ACSL3: variants seen among roughly 807,000 people sequenced by gnomAD.
ACSL3 encodes fatty acid CoA ligase Acsl3.
In ACSL3, 34 loss-of-function variants were observed where a neutral mutation model predicts 84.7. The observed-to-expected ratio is 0.40, with a 90% CI of 0.31 to 0.53. ACSL3 has a LOEUF of 0.53. Among genes scored for constraint, ACSL3 ranks in the 20% least tolerant of loss-of-function variants. The pLI, the probability that ACSL3 is intolerant of heterozygous loss-of-function variation, is 0.48. For synonymous variants in ACSL3, 315 were observed against 299.4 expected (o/e 1.05, Z -0.54); for missense variants, 680 against 873.1 (o/e 0.78, Z 2.79).
intron 1 of ACSL3, among the ~76,000 whole-genome samples, chr2:222,878,074 G>A (rs924891861): frequency 6.6e-6 from 1 of 152,164 alleles, no homozygotes; most frequent in Non-Finnish European, 1.5e-5. Context: ...AGTGCCCAGC[G>A]TATAGGAGAC....
chr2:222,936,608 T>TTCCCCCCCCCCCCCCCCCCCCCCCCTC (rs1697175677), intron 16 of ACSL3, among the ~76,000 whole-genome samples: 1 of 131,188 alleles, frequency 7.6e-6, no homozygotes, highest in African/African-American at 2.9e-5. Flanking sequence ...TTCTGCACCC[T>TTCCCCCCCCCCCCCCCCCCCCCCCCTC]CCCCCCCCAC....
chr2:222,908,881 A>G lies in ACSL3; in HGVS notation c.109A>G (p.Thr37Ala), dbSNP rs779308602. The G allele has an allele frequency of 2.5e-6, 4 of 1,610,518 alleles. No homozygotes were observed. In the South Asian group the frequency reaches 4.4e-5, roughly 18 times the overall value. Residue 37 changes from threonine to alanine, a missense_variant, in exon 4 of 17, where the codon ACA becomes GCA. This residue lies in a region of ACSL3 where 333 missense variants were observed against 347.5 expected (regional missense o/e 0.96). Transcript: ENST00000357430. ...TCTAATATCACTTTATACTATTTTA[A>G]CATACATTCCGTTTTATTTTTTCTC... is the stretch of plus-strand genomic sequence containing the variant. ...HFLISLYTIL[T>A]YIPFYFFSES...
intron 3 of ACSL3, among the ~76,000 whole-genome samples, chr2:222,901,700 A>G (rs1379655308): frequency 6.6e-6 from 1 of 152,076 alleles, no homozygotes; most frequent in East Asian, 1.9e-4. Flanking sequence ...TAATCCCAGC[A>G]CTTTGGGAGG....
At chr2:222,930,963 G>T in intron 14 of ACSL3, 151 bp downstream of exon 14, 2 of 667,586 alleles carry the variant, frequency 3.0e-6, no homozygotes, top group Non-Finnish European at 4.7e-6. Flanking sequence ...AAAATATTAC[G>T]GACTGTGGAA....
intron 1 of ACSL3, among the ~76,000 whole-genome samples, chr2:222,877,170 A>G (rs1695470722): frequency 6.6e-6 from 1 of 152,164 alleles, no homozygotes; most frequent in Admixed American, 6.5e-5. Flanking sequence ...AAGATGGTGG[A>G]GAGCTCAAGG....
chr2:222,943,010 T>C lies in ACSL3; in HGVS notation c.*1356T>C, dbSNP rs910064304. ...TGTGCTCAAATCAGGACTTAAATCA[T>C]AGGCACCACATTTTTCATGTCAGAC... On this transcript the variant is annotated 3_prime_UTR_variant, in exon 17 of 17. Coordinates refer to ENST00000357430, the MANE Select transcript of ACSL3 (RefSeq NM_004457.5). 1.7e-4 allele frequency: 39 copies of C among 223,566 alleles called. No individual in the cohort carries two copies. Among genetic ancestry groups the C allele is most frequent in the African/African-American group, 8.3e-4 (37 of 44,558 alleles). 13.8% of individuals were successfully genotyped at this position (223,566 alleles called of 1,614,324 possible). A position where few individuals can be genotyped will look rare whatever the true frequency, so the allele number is the denominator to read the frequency against.
At chr2:222,914,234 CGTGTGTGTGTGTGTGT>C (rs57546680) in intron 4 of ACSL3, among the ~76,000 whole-genome samples, 103 of 140,266 alleles carry the variant, frequency 7.3e-4, no homozygotes, top group African/African-American at 1.6e-3. Context: ...TGTGTGTGTA[CGTGTGTGTGTGTGTGT>C]GTGTGTGTGT....
Position 222,941,777 on chromosome 2 carries a change from C to A in ACSL3, c.*123C>A. On this transcript the variant is annotated 3_prime_UTR_variant, in exon 17 of 17. Coordinates refer to ENST00000357430, the MANE Select transcript of ACSL3 (RefSeq NM_004457.5). ...CATATTAAACTATTACTTCTCATGACGTCACCATTTTTAACTGACAGGATT... is the reference window on the plus strand; with the variant it reads ...CATATTAAACTATTACTTCTCATGAAGTCACCATTTTTAACTGACAGGATT... 4.7e-6 allele frequency: 5 copies of A among 1,065,056 alleles called. No homozygotes were observed. Among genetic ancestry groups the A allele is most frequent in the South Asian group, 2.1e-5 (1 of 47,174 alleles). The allele number at this position is 1,065,056 out of a possible 1,614,324, so 66.0% of individuals were successfully genotyped here. A position where few individuals can be genotyped will look rare whatever the true frequency, so the allele number is the denominator to read the frequency against.
chr2:222,888,809 G>A (rs1056171276), intron 2 of ACSL3, among the ~76,000 whole-genome samples: 1 of 152,140 alleles, frequency 6.6e-6, no homozygotes, highest in African/African-American at 2.4e-5. Flanking sequence ...ATCCAAGATT[G>A]CCATCTTTTA....
At chr2:222,906,471 G>A (rs1293781645) in intron 3 of ACSL3, among the ~76,000 whole-genome samples, 1 of 152,178 alleles carries the variant, frequency 6.6e-6, no homozygotes, top group Non-Finnish European at 1.5e-5. Context: ...GATGCCCTTT[G>A]TATAGGGGTT....
intron 2 of ACSL3, among the ~76,000 whole-genome samples, chr2:222,892,752 A>C (rs930956064): frequency 3.3e-5 from 5 of 152,244 alleles, no homozygotes; most frequent in Admixed American, 1.3e-4. Context: ...TTGGAGAGAC[A>C]TGTAGGTTAA....
chr2:222,921,292 A>G lies in ACSL3; in HGVS notation c.818A>G (p.His273Arg). Residue 273 changes from histidine to arginine, a missense_variant, in exon 8 of 17, where the codon CAT becomes CGT. By Grantham distance (29) the His-to-Arg change is conservative. Coordinates refer to ENST00000357430, the MANE Select transcript of ACSL3 (RefSeq NM_004457.5). ...CTCTTCAATGCAGAAAACCAACCTC[A>G]TAGCAAACCATTGCCCTCAGATATT... Reference protein sequence around the residue: ...GAKASMENQPHSKPLPSDIAV... With the variant: ...GAKASMENQPRSKPLPSDIAV... 1.3e-6 allele frequency: 2 copies of G among 1,594,964 alleles called. No individual in the cohort carries two copies. Among genetic ancestry groups the G allele is most frequent in the Non-Finnish European group, 1.7e-6 (2 of 1,164,244 alleles).
intron 4 of ACSL3, among the ~76,000 whole-genome samples, chr2:222,910,343 T>G (rs1469641138): frequency 6.6e-6 from 1 of 152,210 alleles, no homozygotes; most frequent in Admixed American, 6.5e-5. Context: ...TGAAGTGATG[T>G]GTAGTTGGTT....
intron 4 of ACSL3, among the ~76,000 whole-genome samples, chr2:222,915,971 A>G (rs1023781521): frequency 6.6e-6 from 1 of 152,214 alleles, no homozygotes; most frequent in Non-Finnish European, 1.5e-5. Context: ...TAACACCTAC[A>G]TCATTTAAAT....
At chr2:222,933,461 G>A in intron 15 of ACSL3, 181 bp downstream of exon 15, 1 of 498,038 alleles carries the variant, frequency 2.0e-6, no homozygotes. Flanking sequence ...GGCTTCCCCT[G>A]ATCTTTCTCT....
At chr2:222,905,301 C>T (rs1052016418) in intron 3 of ACSL3, among the ~76,000 whole-genome samples, 2 of 152,100 alleles carry the variant, frequency 1.3e-5, no homozygotes, top group Non-Finnish European at 2.9e-5. Flanking sequence ...GCAGGGACTA[C>T]AAGTGTGCAC....
intron 14 of ACSL3, among the ~76,000 whole-genome samples, chr2:222,932,129 A>G (rs1040196741): frequency 6.6e-6 from 1 of 152,202 alleles, no homozygotes; most frequent in Admixed American, 6.5e-5. Flanking sequence ...CTTAACACTT[A>G]GCGCTACCAT....
At chr2:222,881,796 G>T (rs989339844) in intron 1 of ACSL3, among the ~76,000 whole-genome samples, 2 of 152,136 alleles carry the variant, frequency 1.3e-5, no homozygotes, top group Admixed American at 6.5e-5. Context: ...GAGCCATTGC[G>T]CCCGGCCTCA....
At chr2:222,876,657 A>T (rs555476933) in intron 1 of ACSL3, among the ~76,000 whole-genome samples, 3 of 152,148 alleles carry the variant, frequency 2.0e-5, no homozygotes, top group Non-Finnish European at 4.4e-5. Context: ...CTTTATGCCT[A>T]TTTAAATTAT....
Sources: allele counts gnomAD v4.1 joint callset (sites outside exome capture counted in the v4.1 genomes callset), GRCh38; gene constraint gnomAD v4.1.1; regional missense constraint gnomAD v4.1.1; transcripts MANE v1.5; gene names NCBI Gene and HGNC (gene_info 2026-07-23, HGNC 2026-07-21).